Variants in DMC1 observed in about 807,000 individuals in gnomAD.
DMC1 encodes the protein DNA meiotic recombinase 1.
A neutral mutation model predicts 50.1 loss-of-function variants in DMC1; 27 were observed. The observed-to-expected ratio is 0.54, with a 90% confidence interval of 0.40 to 0.74. The LOEUF (loss-of-function observed/expected upper bound fraction) is 0.74. Among genes scored for constraint, DMC1 ranks in the 30% least tolerant of loss-of-function variants. The pLI is 0.00. For missense variants in DMC1, 295 were observed against 420.2 expected (o/e 0.70, Z 2.60); for synonymous variants, 148 against 136.1 (o/e 1.09, Z -0.61).
chr22:38,547,956 T>A (rs1049571676), intron 8 of DMC1, among the ~76,000 whole-genome samples: 2 of 152,226 alleles, frequency 1.3e-5, no homozygotes, highest in African/African-American at 4.8e-5. Flanking sequence ...TTTGAACTTA[T>A]AATGATCTTT....
intron 6 of DMC1, among the ~76,000 whole-genome samples, chr22:38,553,144 G>A (rs988667196): frequency 1.3e-5 from 2 of 151,178 alleles, no homozygotes; most frequent in Middle Eastern, 3.2e-3. Context: ...CACCACGCCC[G>A]GCCTTATTTG....
chr22:38,515,668 G>A (rs1385530788), downstream of DMC1, among the ~76,000 whole-genome samples: 4 of 151,526 alleles, frequency 2.6e-5, no homozygotes, highest in African/African-American at 7.3e-5. Context: ...GTGTAGTGGC[G>A]GGCGCCTGCA....
chr22:38,534,456 A>G (rs2090188605), intron 12 of DMC1, among the ~76,000 whole-genome samples: 1 of 152,190 alleles, frequency 6.6e-6, no homozygotes, highest in South Asian at 2.1e-4. Context: ...TAATCCCAGC[A>G]CTTTGGGAGG....
Position 38,559,154 on chromosome 22 carries a change from C to T in DMC1, c.326+3133G>A, listed in dbSNP as rs12165735. On this transcript the variant is annotated intron_variant, in intron 5 of 13. Coordinates refer to ENST00000216024, the MANE Select transcript of DMC1 (RefSeq NM_007068.4). ...AAGCGATTCTCCTGCCTCAGCCTCCCGAGTAGCTGTGACCACAGGCACATG... is the reference window on the plus strand; with the variant it reads ...AAGCGATTCTCCTGCCTCAGCCTCCTGAGTAGCTGTGACCACAGGCACATG... Among the ~76,000 whole-genome samples the T allele has an allele frequency of 8.5e-5, 13 of 152,222 alleles. No homozygotes were observed. The South Asian group carries it at 1.9e-3, about 22-fold the overall frequency.
chr22:38,526,070 T>C (rs762421693), intron 12 of DMC1, among the ~76,000 whole-genome samples: 2 of 152,162 alleles, frequency 1.3e-5, no homozygotes, highest in Non-Finnish European at 2.9e-5. Flanking sequence ...GGCTGTGACA[T>C]AGCAGCCTTA....
At chr22:38,568,975 G>A (rs989891666) in intron 1 of DMC1, among the ~76,000 whole-genome samples, 3 of 151,946 alleles carry the variant, frequency 2.0e-5, no homozygotes, top group African/African-American at 7.3e-5. Context: ...GGCAGATCAC[G>A]AGGTCAGGAG....
At chr22:38,542,304 A>T (rs62228933) in intron 8 of DMC1, among the ~76,000 whole-genome samples, 1 of 151,958 alleles carries the variant, frequency 6.6e-6, no homozygotes, top group Non-Finnish European at 1.5e-5. Flanking sequence ...GTTTGGAAAA[A>T]CCCAGACTCC....
chr22:38,520,111 G>A (rs766036997), intron 13 of DMC1, 22 bp from the exon 14 acceptor site: 2 of 1,597,250 alleles, frequency 1.3e-6, no homozygotes. Context: ...CAAGGGAACA[G>A]AAGTTTATAA....
chr22:38,521,608 C>G lies in DMC1; in HGVS notation c.953G>C (p.Ser318Thr), dbSNP rs772798650. The G allele has an allele frequency of 6.3e-7, 1 of 1,579,184 alleles. No individual in the cohort carries two copies. The highest frequency in any genetic ancestry group is 8.7e-7 in the Non-Finnish European group (1 of 1,151,556). ...ACACACAAAATAAAAAAAAATTTAC[C>G]TGTCATAAATCTTGGCAATTCTGAG... Reference protein sequence around the residue: ...GELRIAKIYDSPEMPENEATF... With the variant: ...GELRIAKIYDTPEMPENEATF... Residue 318 changes from serine (S) to threonine (T), a missense_variant and splice_region_variant, in exon 13 of 14, where the codon AGT (serine) becomes ACT (threonine). Transcript: ENST00000216024.
downstream of DMC1, among the ~76,000 whole-genome samples, chr22:38,518,686 A>T (rs2089993260): frequency 6.6e-6 from 1 of 151,950 alleles, no homozygotes; most frequent in Non-Finnish European, 1.5e-5. Context: ...ACACACCAGC[A>T]CGCCTGGCTA....
intron 11 of DMC1, 145 bp downstream of exon 11, chr22:38,538,150 C>CAA: frequency 7.2e-5 from 45 of 622,532 alleles, no homozygotes; most frequent in East Asian, 9.8e-5. Context: ...TCTCAAAAAA[C>CAA]AAAAAAAAAA....
intron 12 of DMC1, 109 bp from the exon 13 acceptor site, chr22:38,521,833 G>A (rs1007469384): frequency 6.0e-6 from 5 of 833,536 alleles, no homozygotes; most frequent in African/African-American, 1.7e-5. Context: ...TGGAATAAGT[G>A]TATATTCTAA....
the DMC1 span, among the ~76,000 whole-genome samples, chr22:38,513,741 C>G: frequency 6.6e-6 from 1 of 152,142 alleles, no homozygotes; most frequent in African/African-American, 2.4e-5. Context: ...CCAAACCCGA[C>G]TAATTTTTTT....
chr22:38,562,570 C>T (rs2090538689), intron 4 of DMC1, among the ~76,000 whole-genome samples: 1 of 152,124 alleles, frequency 6.6e-6, no homozygotes, highest in African/African-American at 2.4e-5. Flanking sequence ...AATCATGTCT[C>T]TAATAGTTAT....
intron 8 of DMC1, chr22:38,546,072 A>C (rs189975619): frequency 2.0e-5 from 3 of 152,354 alleles, no homozygotes; most frequent in African/African-American, 7.2e-5. Context: ...CTTAGCTCCT[A>C]AGTATTCCTA....
chr22:38,540,359 T>C (rs1053649841), intron 8 of DMC1, among the ~76,000 whole-genome samples: 1 of 152,178 alleles, frequency 6.6e-6, no homozygotes, highest in Non-Finnish European at 1.5e-5. Flanking sequence ...AGTTGTTAGC[T>C]TTCTGAAATT....
intron 12 of DMC1, among the ~76,000 whole-genome samples, chr22:38,533,590 C>T (rs1449146037): frequency 6.6e-6 from 1 of 152,080 alleles, no homozygotes; most frequent in Non-Finnish European, 1.5e-5. Context: ...ATTTAATCTG[C>T]TACCATATGA....
intron 8 of DMC1, among the ~76,000 whole-genome samples, chr22:38,541,045 T>G (rs2090275252): frequency 6.6e-6 from 1 of 151,998 alleles, no homozygotes; most frequent in Non-Finnish European, 1.5e-5. Flanking sequence ...ACAGTACCTG[T>G]TTAGGATTAA....
intron 6 of DMC1, among the ~76,000 whole-genome samples, chr22:38,552,940 C>T (rs925785668): frequency 6.6e-6 from 1 of 151,516 alleles, no homozygotes; most frequent in African/African-American, 2.4e-5. Context: ...CTTCACCTCC[C>T]GGGTTCAAGC....
Sources: gnomAD v4.1 joint callset for allele counts (sites outside exome capture counted in the v4.1 genomes callset) on GRCh38, gnomAD v4.1.1 for gene constraint, MANE v1.5 for transcripts, NCBI Gene and HGNC (gene_info 2026-07-23, HGNC 2026-07-21) for gene names.